CNOT6L: variants seen among roughly 807,000 people sequenced by gnomAD.
CNOT6L encodes the protein CCR4-NOT transcription complex subunit 6 like.
A neutral mutation model predicts 64.0 loss-of-function variants in CNOT6L; 7 were observed. The ratio of observed to expected loss-of-function variants is 0.11; its 90% confidence interval spans 0.06 to 0.21. CNOT6L has a LOEUF of 0.21. CNOT6L is among the 10% of genes least tolerant of loss of function. The pLI is 1.00. For synonymous variants in CNOT6L, 193 were observed against 243.4 expected (o/e 0.79, Z 1.93); for missense variants, 245 against 669.0 (o/e 0.37, Z 6.99).
At position 77,713,735 on chromosome 4, in the gene CNOT6L, A is replaced by T. The variant is rs565643354; in HGVS notation, c.*6696T>A. ...CTGAGCAGTTTTGGTCAAGATTCAG[A>T]CCTCATCAACTGTTTAACTGTAATA... On this transcript the variant is annotated 3_prime_UTR_variant, in exon 12 of 12. Transcript: ENST00000504123. The T allele has an allele frequency of 2.0e-5, 3 of 152,642 alleles. No homozygotes were observed. In the South Asian group the frequency reaches 6.2e-4, roughly 32 times the overall value. 9.5% of individuals were successfully genotyped at this position (152,642 alleles called of 1,614,324 possible).
At chr4:77,786,224 T>G (rs1385486189) in intron 1 of CNOT6L, among the ~76,000 whole-genome samples, 1 of 151,748 alleles carries the variant, frequency 6.6e-6, no homozygotes, top group Non-Finnish European at 1.5e-5. Context: ...GAGGTTTCAG[T>G]GAGCCAGTAT....
intron 5 of CNOT6L, among the ~76,000 whole-genome samples, chr4:77,750,761 T>G (rs184023866): frequency 6.6e-5 from 10 of 152,198 alleles, no homozygotes; most frequent in Non-Finnish European, 7.4e-5. Context: ...ATACAATAAA[T>G]AAATATATTG....
chr4:77,740,537 T>C (rs1723468437), intron 8 of CNOT6L, among the ~76,000 whole-genome samples: 1 of 152,262 alleles, frequency 6.6e-6, no homozygotes, highest in Admixed American at 6.5e-5. Context: ...TAACTGGAAC[T>C]AGTTATTGAA....
intron 1 of CNOT6L, among the ~76,000 whole-genome samples, chr4:77,804,075 AC>A (rs1441596560): frequency 1.2e-4 from 19 of 152,246 alleles, no homozygotes; most frequent in African/African-American, 4.3e-4. Context: ...AAAACCATAT[AC>A]ATGAATTATT....
intron 1 of CNOT6L, among the ~76,000 whole-genome samples, chr4:77,792,866 A>G (rs1730329301): frequency 6.6e-6 from 1 of 151,792 alleles, no homozygotes; most frequent in South Asian, 2.1e-4. Flanking sequence ...GTGACTCTCG[A>G]CCAGATGTGA....
At position 77,798,443 on chromosome 4, in the gene CNOT6L, C is replaced by A. The variant is rs1444892337; in HGVS notation, c.5+20861G>T. On this transcript the variant is annotated intron_variant, in intron 1 of 11. Coordinates refer to ENST00000504123, the MANE Select transcript of CNOT6L (RefSeq NM_144571.3). The stretch of plus-strand genomic sequence containing the variant: ...CAAAATTCAGTAATAAAAAAAATTT[C>A]TAATGGGCAAAACATTTTAATAGAC... Among the ~76,000 whole-genome samples, 5 of 152,188 alleles carry A rather than the reference C, an allele frequency of 3.3e-5. No homozygotes were observed. The South Asian group carries it at 6.2e-4, about 19-fold the overall frequency.
chr4:77,759,773 G>A lies in CNOT6L; in HGVS notation c.401-2822C>T, dbSNP rs1725973020. 3.3e-5 allele frequency among the ~76,000 whole-genome samples: 5 copies of A among 152,174 alleles called. No individual in the cohort carries two copies. The South Asian group carries it at 1.0e-3, about 32-fold the overall frequency. On this transcript the variant is annotated intron_variant, in intron 4 of 11. Coordinates refer to ENST00000504123, the MANE Select transcript of CNOT6L (RefSeq NM_144571.3). ...AAAAAGCACACAAAAAATTAGTAAG[G>A]TTGAAAAACAGAACACTATCAACCA...
intron 4 of CNOT6L, among the ~76,000 whole-genome samples, chr4:77,767,655 C>T (rs1472333747): frequency 6.6e-6 from 1 of 151,948 alleles, no homozygotes; most frequent in African/African-American, 2.4e-5. Context: ...AATTCCTCAC[C>T]AAATTAGACC....
chr4:77,773,496 T>C (rs1727833411), intron 3 of CNOT6L, among the ~76,000 whole-genome samples: 1 of 152,210 alleles, frequency 6.6e-6, no homozygotes, highest in Non-Finnish European at 1.5e-5. Flanking sequence ...ATGCGACAGA[T>C]ATCCTTAGCA....
chr4:77,804,428 C>CAAA (rs1185489525), intron 1 of CNOT6L, among the ~76,000 whole-genome samples: 1 of 79,250 alleles, frequency 1.3e-5, no homozygotes, highest in Non-Finnish European at 2.6e-5. Context: ...GACCCCATCT[C>CAAA]AAAAAAAAAA....
chr4:77,720,877 A>C (rs1273999827), intron 11 of CNOT6L, among the ~76,000 whole-genome samples: 2 of 152,172 alleles, frequency 1.3e-5, no homozygotes, highest in East Asian at 3.8e-4. Context: ...TGTAAGTGAT[A>C]ATTTGAGAAG....
chr4:77,779,460 C>A (rs1728598450), intron 1 of CNOT6L, among the ~76,000 whole-genome samples: 1 of 151,892 alleles, frequency 6.6e-6, no homozygotes, highest in Non-Finnish European at 1.5e-5. Context: ...ATCTCTAAAA[C>A]AGATATTATA....
At chr4:77,811,875 A>T (rs1350378426) in intron 1 of CNOT6L, among the ~76,000 whole-genome samples, 4 of 4,618 alleles carry the variant, frequency 8.7e-4, no homozygotes, top group Non-Finnish European at 1.5e-3. Flanking sequence ...GGAGCAGTTT[A>T]AAAAAAAAAA....
intron 1 of CNOT6L, among the ~76,000 whole-genome samples, chr4:77,814,562 C>T (rs1733348671): frequency 6.6e-6 from 1 of 152,188 alleles, no homozygotes; most frequent in South Asian, 2.1e-4. Context: ...TAAGCCTCTA[C>T]ATCTTTCATA....
intron 7 of CNOT6L, among the ~76,000 whole-genome samples, chr4:77,742,933 TG>T (rs1185015900): frequency 1.3e-5 from 2 of 152,302 alleles, no homozygotes; most frequent in Non-Finnish European, 2.9e-5. Context: ...TCTAACAGCA[TG>T]AGTTTATGAC....
intron 11 of CNOT6L, among the ~76,000 whole-genome samples, chr4:77,721,316 C>T (rs1721253626): frequency 6.6e-6 from 1 of 152,182 alleles, no homozygotes; most frequent in Non-Finnish European, 1.5e-5. Flanking sequence ...GCAGTTTTAT[C>T]TGTCAGAGCT....
At chr4:77,762,612 T>C (rs1287742809) in intron 4 of CNOT6L, among the ~76,000 whole-genome samples, 1 of 152,152 alleles carries the variant, frequency 6.6e-6, no homozygotes, top group East Asian at 1.9e-4. Context: ...AAAAACAAAT[T>C]TGCCTTCATT....
chr4:77,778,548 G>C (rs1398918866), intron 1 of CNOT6L, among the ~76,000 whole-genome samples: 1 of 152,028 alleles, frequency 6.6e-6, no homozygotes, highest in Non-Finnish European at 1.5e-5. Flanking sequence ...TGAGGTTACG[G>C]GCGCGTGTCA....
At chr4:77,750,048 T>C (rs1269697079) in intron 5 of CNOT6L, among the ~76,000 whole-genome samples, 3 of 152,182 alleles carry the variant, frequency 2.0e-5, no homozygotes, top group Non-Finnish European at 2.9e-5. Flanking sequence ...CAAGTGGAAA[T>C]ATATCCATGG....
Sources: allele counts gnomAD v4.1 joint callset (sites outside exome capture counted in the v4.1 genomes callset), GRCh38; gene constraint gnomAD v4.1.1; transcripts MANE v1.5; gene names NCBI Gene and HGNC (gene_info 2026-07-23, HGNC 2026-07-21).